The following TENM3 variants were observed in gnomAD, a reference collection of about 807,000 sequenced individuals.
The protein encoded by TENM3 is teneurin-3.
TENM3 carries 63 observed loss-of-function variants against 255.1 expected under a neutral mutation model. That is an observed-to-expected ratio of 0.25 (90% CI 0.20 to 0.30). The LOEUF is 0.30. Among genes scored for constraint, TENM3 ranks in the 10% least tolerant of loss-of-function variants. The pLI is 1.00. For missense variants in TENM3, 2,929 were observed against 3,461.1 expected (o/e 0.85, Z 3.86); for synonymous variants, 1,306 against 1,322.3 (o/e 0.99, Z 0.27).
chr4:181,494,135 A>G, the TENM3 span, among the ~76,000 whole-genome samples: 24 of 152,176 alleles, frequency 1.6e-4, no homozygotes, highest in African/African-American at 5.5e-4. Flanking sequence ...ATAAGTGGTG[A>G]ACTCAAGATT....
At chr4:181,511,608 C>G in the TENM3 span, among the ~76,000 whole-genome samples, 14 of 152,198 alleles carry the variant, frequency 9.2e-5, no homozygotes, top group Non-Finnish European at 2.1e-4. Flanking sequence ...ACTCTGACTT[C>G]AAGAATGTAA....
the TENM3 span, among the ~76,000 whole-genome samples, chr4:181,780,888 C>A: frequency 6.6e-6 from 1 of 152,140 alleles, no homozygotes; most frequent in Admixed American, 6.5e-5. Flanking sequence ...AATCCTTTCC[C>A]CATTGCTTGT....
At chr4:182,404,322 G>C (rs1769409942) in intron 3 of TENM3, among the ~76,000 whole-genome samples, 1 of 152,070 alleles carries the variant, frequency 6.6e-6, no homozygotes, top group Non-Finnish European at 1.5e-5. Flanking sequence ...CCTCCCCAAG[G>C]TCAGAAATAT....
chr4:181,897,358 G>A, the TENM3 span, among the ~76,000 whole-genome samples: 6 of 152,258 alleles, frequency 3.9e-5, no homozygotes, highest in Admixed American at 3.3e-4. Context: ...ATACTAAAGA[G>A]CATGAAATGT....
intron 3 of TENM3, among the ~76,000 whole-genome samples, chr4:182,408,141 C>T (rs1769713871): frequency 6.6e-6 from 1 of 152,164 alleles, no homozygotes; most frequent in Non-Finnish European, 1.5e-5. Flanking sequence ...CCCCAGTGTG[C>T]AGTAAGAGAT....
chr4:182,788,991 G>A lies in TENM3; in HGVS notation c.5305-102G>A, dbSNP rs973865507. On this transcript the variant is annotated intron_variant, in intron 24 of 27. Transcript: ENST00000511685. ...CAAGAAGTTGCTAAGTTAATTTACT[G>A]ACAAAGAGAATCAATCATCGTAAAT... The A allele has an allele frequency of 3.3e-5, 36 of 1,082,962 alleles. No homozygotes were observed. The South Asian group carries it at 3.8e-4, about 12-fold the overall frequency. 67.1% of individuals were successfully genotyped at this position (1,082,962 alleles called of 1,614,324 possible). A position where few individuals can be genotyped will look rare whatever the true frequency, so the allele number is the denominator to read the frequency against.
chr4:181,738,462 T>G, the TENM3 span, among the ~76,000 whole-genome samples: 12 of 152,306 alleles, frequency 7.9e-5, no homozygotes, highest in East Asian at 2.3e-3. Flanking sequence ...TTGTTGTTTT[T>G]GGGTTTATAT....
the TENM3 span, among the ~76,000 whole-genome samples, chr4:181,523,350 CCTTT>C: frequency 1.3e-5 from 2 of 151,960 alleles, no homozygotes; most frequent in African/African-American, 2.4e-5. Context: ...TTGAAAGCTG[CCTTT>C]CTATTTACTT....
chr4:182,101,450 C>T, the TENM3 span, among the ~76,000 whole-genome samples: 1 of 152,152 alleles, frequency 6.6e-6, no homozygotes, highest in South Asian at 2.1e-4. Context: ...CATGGCATCT[C>T]GCCCTCTCAC....
chr4:181,742,991 A>G, the TENM3 span, among the ~76,000 whole-genome samples: 1 of 151,624 alleles, frequency 6.6e-6, no homozygotes, highest in South Asian at 2.1e-4. Flanking sequence ...CCATGTCCCT[A>G]CAAAGAACAT....
chr4:181,707,780 G>T, the TENM3 span, among the ~76,000 whole-genome samples: 2 of 152,062 alleles, frequency 1.3e-5, no homozygotes, highest in African/African-American at 4.8e-5. Flanking sequence ...CTGTTATTAA[G>T]GATTTGTTGG....
At chr4:182,460,633 T>A (rs1393986435) in intron 3 of TENM3, among the ~76,000 whole-genome samples, 2 of 152,186 alleles carry the variant, frequency 1.3e-5, no homozygotes, top group Admixed American at 6.5e-5. Flanking sequence ...GGATATCTAA[T>A]GTAAACAACA....
chr4:182,423,520 A>C (rs1770992049), intron 3 of TENM3, among the ~76,000 whole-genome samples: 1 of 152,198 alleles, frequency 6.6e-6, no homozygotes, highest in African/African-American at 2.4e-5. Flanking sequence ...AAATGGAGTC[A>C]ACAAAGCCCA....
At chr4:182,096,425 G>A in the TENM3 span, among the ~76,000 whole-genome samples, 1 of 152,024 alleles carries the variant, frequency 6.6e-6, no homozygotes, top group Non-Finnish European at 1.5e-5. Flanking sequence ...TCAAATAGGA[G>A]CCAAATCATA....
At chr4:181,961,433 G>T in the TENM3 span, among the ~76,000 whole-genome samples, 4 of 152,216 alleles carry the variant, frequency 2.6e-5, no homozygotes, top group Non-Finnish European at 5.9e-5. Flanking sequence ...TGTTGTTGTT[G>T]TTGTTGAGAT....
At chr4:181,496,884 A>G in the TENM3 span, among the ~76,000 whole-genome samples, 1 of 152,194 alleles carries the variant, frequency 6.6e-6, no homozygotes, top group Non-Finnish European at 1.5e-5. Context: ...TGGTCTAGCA[A>G]CCTTGTGGGC....
At chr4:182,088,851 AAG>A in the TENM3 span, among the ~76,000 whole-genome samples, 15,472 of 150,584 alleles carry the variant, frequency 0.1, 782 homozygotes, top group Middle Eastern at 0.2. Context: ...AAAAAAAAAA[AAG>A]AGAGAGACAG....
rs1261867868 is a variant in TENM3 at position 182,801,188 on chromosome 4, T to C, written c.*837T>C. Reference sequence around the variant, plus strand: ...TGTTATCTGTTATAGCTGTACAGTATGAATTATTATATTGTAGAGATATAA... The same window carrying C: ...TGTTATCTGTTATAGCTGTACAGTACGAATTATTATATTGTAGAGATATAA... On this transcript the variant is annotated 3_prime_UTR_variant, in exon 28 of 28. Transcript: ENST00000511685. The C allele has an allele frequency of 6.6e-6, 1 of 152,648 alleles. No homozygotes were observed. Among genetic ancestry groups the C allele is most frequent in the Non-Finnish European group, 1.5e-5 (1 of 68,048 alleles). The allele number at this position is 152,648 out of a possible 1,614,324, so 9.5% of individuals were successfully genotyped here.
At chr4:182,753,653 A>C in intron 21 of TENM3, 49 bp downstream of exon 21, 1 of 1,581,356 alleles carries the variant, frequency 6.3e-7, no homozygotes, top group Non-Finnish European at 8.7e-7. Flanking sequence ...AGGTGACTTG[A>C]CTTATTCAGT....
Sources: allele counts gnomAD v4.1 joint callset (sites outside exome capture counted in the v4.1 genomes callset), GRCh38; gene constraint gnomAD v4.1.1; transcripts MANE v1.5; gene names NCBI Gene and HGNC (gene_info 2026-07-23, HGNC 2026-07-21).